OR5V1: variants seen among roughly 807,000 people sequenced by gnomAD.
OR5V1 encodes the protein olfactory receptor 5V1.
For missense variants in OR5V1, 365 were observed against 371.5 expected, an observed-to-expected ratio of 0.98 and a Z score of 0.14; for synonymous variants, 134 against 143.2, an observed-to-expected ratio of 0.94 and a Z score of 0.46.
Position 29,355,549 on chromosome 6 carries a change from A to C in OR5V1, c.647T>G (p.Leu216Arg). 1.2e-6 allele frequency: 2 copies of C among 1,614,058 alleles called. No individual in the cohort carries two copies. The highest frequency in any genetic ancestry group is 1.7e-6 in the Non-Finnish European group (2 of 1,179,922). ...IGWTPFLCIV[L>R]SYICIISTIL... is the part of the protein sequence containing the mutation. The stretch of plus-strand genomic sequence containing the variant: ...GGTGGAGATTATGCAAATGTAGGAA[A>C]GTACGATACAAAGGAAAGGAGTCCA... Residue 216 changes from leucine to arginine, a missense_variant, in exon 2 of 2, where the codon CTT becomes CGT. Coordinates refer to ENST00000641768, the MANE Select transcript of OR5V1 (RefSeq NM_030876.6).
chr6:29,363,376 G>A (rs1385128816), intron 1 of OR5V1, among the ~76,000 whole-genome samples: 1 of 152,142 alleles, frequency 6.6e-6, no homozygotes, highest in Non-Finnish European at 1.5e-5. Context: ...GAGGTACAAA[G>A]AGGAGCTGGT....
intron 1 of OR5V1, among the ~76,000 whole-genome samples, chr6:29,367,200 C>T (rs186124800): frequency 7.9e-5 from 12 of 152,238 alleles, no homozygotes; most frequent in Non-Finnish European, 1.6e-4. Context: ...TGCTAATCTA[C>T]ATATTTTTAA....
Position 29,355,270 on chromosome 6 carries a change from T to C in OR5V1, c.926A>G (p.Gln309Arg), listed in dbSNP as rs1011811951. The C allele has an allele frequency of 1.9e-6, 3 of 1,605,840 alleles. No homozygotes were observed. Among genetic ancestry groups the C allele is most frequent in the Non-Finnish European group, 2.5e-6 (3 of 1,177,648 alleles). ...EAVKTIGSKWQPPISSLDSKL... is the reference protein window; with the variant it reads ...EAVKTIGSKWRPPISSLDSKL... ...ACTATCCAAAGAGGAAATTGGTGGC[T>C]GCCACTTGCTCCCTATAGTTTTGAC... The change falls in exon 2 of 2, where the codon CAG becomes CGG. Residue 309 changes from glutamine (Q) to arginine (R), a missense_variant. Gln to Arg is a conservative substitution (Grantham distance 43). Coordinates refer to ENST00000641768, the MANE Select transcript of OR5V1 (RefSeq NM_030876.6).
chr6:29,367,131 T>G (rs999888220), intron 1 of OR5V1, among the ~76,000 whole-genome samples: 31 of 151,770 alleles, frequency 2.0e-4, no homozygotes, highest in African/African-American at 7.0e-4. Flanking sequence ...GCCTCTTAAT[T>G]TTAGTCATTT....
intron 1 of OR5V1, among the ~76,000 whole-genome samples, chr6:29,359,579 G>A (rs1778471361): frequency 6.6e-6 from 1 of 152,178 alleles, no homozygotes; most frequent in African/African-American, 2.4e-5. Context: ...AATGCAGAAG[G>A]CAGGTGATTT....
At chr6:29,365,939 T>C (rs565729914) in intron 1 of OR5V1, among the ~76,000 whole-genome samples, 1 of 152,046 alleles carries the variant, frequency 6.6e-6, no homozygotes, top group East Asian at 1.9e-4. Context: ...ATAAAGAAAA[T>C]GTGGCACATA....
At chr6:29,364,528 G>A (rs1778754817) in intron 1 of OR5V1, among the ~76,000 whole-genome samples, 1 of 26,066 alleles carries the variant, frequency 3.8e-5, no homozygotes, top group Non-Finnish European at 1.1e-4. Flanking sequence ...GCCGGGCGCG[G>A]TGGCTCACGC....
chr6:29,362,191 A>G (rs1188865994), intron 1 of OR5V1, among the ~76,000 whole-genome samples: 2 of 152,180 alleles, frequency 1.3e-5, no homozygotes. Flanking sequence ...AAGACAAAGA[A>G]AGGCATTACA....
Position 29,354,507 on chromosome 6 carries a change from A to G in OR5V1, c.*723T>C, listed in dbSNP as rs1431166411. 1 of 152,024 alleles carries G rather than the reference A, an allele frequency of 6.6e-6. No individual in the cohort carries two copies. Among genetic ancestry groups the G allele is most frequent in the Non-Finnish European group, 1.5e-5 (1 of 67,950 alleles). The allele number at this position is 152,024 out of a possible 1,614,324, so 9.4% of individuals were successfully genotyped here. ...TGTTTTATCTGATTCTGTTTTCTAA[A>G]TTTTTAGCGAAAAAAGTTTCCCAAA... On this transcript the variant is annotated 3_prime_UTR_variant, in exon 2 of 2. Coordinates refer to ENST00000641768, the MANE Select transcript of OR5V1 (RefSeq NM_030876.6).
chr6:29,355,153 CT>C lies in OR5V1; in HGVS notation c.*76del. 7.1e-7 allele frequency: 1 copy of C among 1,417,542 alleles called. No individual in the cohort carries two copies. Among genetic ancestry groups the C allele is most frequent in the African/African-American group, 1.4e-5 (1 of 69,146 alleles). 87.8% of individuals were successfully genotyped at this position (1,417,542 alleles called of 1,614,324 possible). On this transcript the variant is annotated 3_prime_UTR_variant, in exon 2 of 2. Coordinates refer to ENST00000641768, the MANE Select transcript of OR5V1 (RefSeq NM_030876.6). ...ATATCTGTCCCAACATTGCAATTAT[CT>C]TTTAAACTTTCAATAAAAACAGCTG...
chr6:29,362,655 A>C (rs1028819995), intron 1 of OR5V1, among the ~76,000 whole-genome samples: 1 of 152,036 alleles, frequency 6.6e-6, no homozygotes, highest in Non-Finnish European at 1.5e-5. Context: ...TCACAACTAC[A>C]TGAAACCTCA....
chr6:29,365,365 G>A lies in OR5V1; in HGVS notation c.-83+3267C>T, dbSNP rs192270955. 7.1e-3 allele frequency among the ~76,000 whole-genome samples: 1,061 copies of A among 150,198 alleles called. 9 individuals carry two copies. Among genetic ancestry groups the A allele is most frequent in the Non-Finnish European group, 0.011 (716 of 67,708 alleles). On this transcript the variant is annotated intron_variant, in intron 1 of 1. Coordinates refer to ENST00000641768, the MANE Select transcript of OR5V1 (RefSeq NM_030876.6). The stretch of plus-strand genomic sequence containing the variant: ...AAAAAACTATCATCGGACTGAACAG[G>A]AAACCTACAGAATGGGAGAAAATTT...
intron 1 of OR5V1, among the ~76,000 whole-genome samples, chr6:29,359,932 A>G (rs1024947227): frequency 1.8e-4 from 28 of 151,770 alleles, no homozygotes; most frequent in African/African-American, 6.0e-4. Flanking sequence ...AGAACTGTTC[A>G]CTCCCCTGGA....
At chr6:29,364,403 C>G (rs1387332452) in intron 1 of OR5V1, among the ~76,000 whole-genome samples, 1 of 151,166 alleles carries the variant, frequency 6.6e-6, no homozygotes, top group Non-Finnish European at 1.5e-5. Context: ...CTATTCCCAT[C>G]AAGCTACCAT....
chr6:29,366,101 C>A (rs557707513), intron 1 of OR5V1, among the ~76,000 whole-genome samples: 1 of 152,090 alleles, frequency 6.6e-6, no homozygotes, highest in South Asian at 2.1e-4. Flanking sequence ...GGGAGTTGAA[C>A]AATGAGAACA....
chr6:29,362,829 G>A (rs921912852), intron 1 of OR5V1, among the ~76,000 whole-genome samples: 2 of 152,062 alleles, frequency 1.3e-5, no homozygotes, highest in Non-Finnish European at 2.9e-5. Context: ...AGCACTAAAT[G>A]CCCACGTCAG....
Position 29,368,698 on chromosome 6 carries a change from T to A in OR5V1, c.-149A>T, listed in dbSNP as rs1778979336. The A allele has an allele frequency of 6.6e-6, 1 of 152,184 alleles. No homozygotes were observed. The highest frequency in any genetic ancestry group is 1.5e-5 in the Non-Finnish European group (1 of 68,048). 9.4% of individuals were successfully genotyped at this position (152,184 alleles called of 1,614,324 possible). On this transcript the variant is annotated 5_prime_UTR_variant, in exon 1 of 2. Coordinates refer to ENST00000641768, the MANE Select transcript of OR5V1 (RefSeq NM_030876.6). ...TGAGAGACTGATATGGGGCTGTTTTTAAGAATACAACGAAGTAACACAAAA... is the reference window on the plus strand; with the variant it reads ...TGAGAGACTGATATGGGGCTGTTTTAAAGAATACAACGAAGTAACACAAAA...
Position 29,355,121 on chromosome 6 carries a change from C to A in OR5V1, c.*109G>T. The A allele has an allele frequency of 9.2e-6, 10 of 1,085,118 alleles. No individual in the cohort carries two copies. The highest frequency in any genetic ancestry group is 1.3e-5 in the Non-Finnish European group (10 of 771,630). The allele number at this position is 1,085,118 out of a possible 1,614,324, so 67.2% of individuals were successfully genotyped here. On this transcript the variant is annotated 3_prime_UTR_variant, in exon 2 of 2. Coordinates refer to ENST00000641768, the MANE Select transcript of OR5V1 (RefSeq NM_030876.6). Reference sequence around the variant, plus strand: ...GTACACTTAGACTGGAGTGTATCAACTCTTCAATATCTGTCCCAACATTGC... The same window carrying A: ...GTACACTTAGACTGGAGTGTATCAAATCTTCAATATCTGTCCCAACATTGC...
chr6:29,356,233 G>A lies in OR5V1; in HGVS notation c.-38C>T, dbSNP rs1185199032. 3 of 1,530,236 alleles carry A rather than the reference G, an allele frequency of 2.0e-6. No homozygotes were observed. Among genetic ancestry groups the A allele is most frequent in the East Asian group, 2.3e-5 (1 of 44,390 alleles). The allele number at this position is 1,530,236 out of a possible 1,614,324, so 94.8% of individuals were successfully genotyped here. A position where few individuals can be genotyped will look rare whatever the true frequency, so the allele number is the denominator to read the frequency against. ...TTTCCTTTCAGGAATTGGGCAAAGA[G>A]AAGACCAGATTATAAAAATGAATCA... is the stretch of plus-strand genomic sequence containing the variant. On this transcript the variant is annotated 5_prime_UTR_variant, in exon 2 of 2. Transcript: ENST00000641768.
Sources: gnomAD v4.1 joint callset for allele counts (sites outside exome capture counted in the v4.1 genomes callset) on GRCh38, gnomAD v4.1.1 for gene constraint, MANE v1.5 for transcripts, NCBI Gene and HGNC (gene_info 2026-07-23, HGNC 2026-07-21) for gene names.